ADAMTS17: variants seen among roughly 807,000 people sequenced by gnomAD.
ADAMTS17 encodes ADAM metallopeptidase with thrombospondin type 1 motif 17.
A neutral mutation model predicts 141.5 loss-of-function variants in ADAMTS17; 113 were observed. The observed-to-expected ratio is 0.80, with a 90% CI of 0.69 to 0.93. The LOEUF is 0.93. ADAMTS17 is among the 40% of genes least tolerant of loss of function. The pLI is 0.00. For missense variants in ADAMTS17, 1,659 were observed against 1,517.9 expected (o/e 1.09, Z -1.54); for synonymous variants, 768 against 630.6 (o/e 1.22, Z -3.27).
intron 7 of ADAMTS17, among the ~76,000 whole-genome samples, chr15:100,233,157 C>A (rs901407376): frequency 2.6e-5 from 4 of 152,032 alleles, no homozygotes; most frequent in African/African-American, 9.7e-5. Flanking sequence ...GGTGAAATCC[C>A]GTCTCTACTA....
rs1232822070 is a variant in ADAMTS17 at position 100,133,352 on chromosome 15, C to T, written c.1474-37G>A. ...GGGAAGGAACCATAATTGTGGAGAA[C>T]ACCCACACTCACAGGTCACAGCTGG... On this transcript the variant is annotated intron_variant, in intron 10 of 21. Transcript: ENST00000268070. 2 of 1,540,356 alleles carry T rather than the reference C, an allele frequency of 1.3e-6. 1 individual carries two copies. The highest frequency in any genetic ancestry group is 2.4e-5 in the South Asian group (2 of 84,230).
intron 7 of ADAMTS17, among the ~76,000 whole-genome samples, chr15:100,247,985 G>C (rs1172127465): frequency 6.6e-6 from 1 of 152,152 alleles, no homozygotes; most frequent in East Asian, 1.9e-4. Context: ...ATCAGAGACT[G>C]TGGTATCAGT....
intron 2 of ADAMTS17, among the ~76,000 whole-genome samples, chr15:100,336,337 T>C (rs2046207594): frequency 6.6e-6 from 1 of 152,192 alleles, no homozygotes; most frequent in South Asian, 2.1e-4. Context: ...GAAGCCACCA[T>C]GAGGCCACAG....
intron 18 of ADAMTS17, among the ~76,000 whole-genome samples, chr15:100,023,905 C>A (rs2061451075): frequency 6.6e-6 from 1 of 152,146 alleles, no homozygotes; most frequent in African/African-American, 2.4e-5. Context: ...TTAATTCATG[C>A]ACATTGTAGA....
At chr15:100,315,109 T>C (rs1596503879) in intron 3 of ADAMTS17, among the ~76,000 whole-genome samples, 4 of 152,232 alleles carry the variant, frequency 2.6e-5, no homozygotes, top group Admixed American at 2.6e-4. Flanking sequence ...ACCCACCTGA[T>C]CTCAGAGGTA....
intron 7 of ADAMTS17, among the ~76,000 whole-genome samples, chr15:100,238,797 G>C (rs768028593): frequency 6.6e-6 from 1 of 152,100 alleles, no homozygotes. Context: ...ATCGAAAAGC[G>C]AGAAAGGCAG....
At chr15:100,051,026 C>T (rs982455819) in intron 17 of ADAMTS17, among the ~76,000 whole-genome samples, 1 of 152,218 alleles carries the variant, frequency 6.6e-6, no homozygotes, top group African/African-American at 2.4e-5. Context: ...GACAACCATC[C>T]TATTTCAGAA....
intron 7 of ADAMTS17, among the ~76,000 whole-genome samples, chr15:100,229,937 AG>A (rs979441726): frequency 2.6e-5 from 4 of 152,176 alleles, no homozygotes; most frequent in African/African-American, 9.7e-5. Context: ...TGATCAGTGC[AG>A]GGAAAGCCTG....
At chr15:100,341,679 T>C in intron 1 of ADAMTS17, 142 bp downstream of exon 1, 3 of 1,120,216 alleles carry the variant, frequency 2.7e-6, no homozygotes, top group Non-Finnish European at 3.5e-6. Context: ...ATTCCCGTAC[T>C]CCGGCCGCGG....
intron 3 of ADAMTS17, among the ~76,000 whole-genome samples, chr15:100,329,081 G>C (rs952597): frequency 0.12 from 18,035 of 152,078 alleles, 1,193 homozygotes; most frequent in African/African-American, 0.16. Context: ...AATTAAAGTG[G>C]TTCTCTGTGG....
At chr15:100,060,323 G>C (rs1390499815) in intron 15 of ADAMTS17, among the ~76,000 whole-genome samples, 1 of 152,212 alleles carries the variant, frequency 6.6e-6, no homozygotes, top group Non-Finnish European at 1.5e-5. Context: ...TTGCCACCAG[G>C]GCAGAACAAA....
chr15:100,116,975 A>G lies in ADAMTS17; in HGVS notation c.1760T>C (p.Val587Ala). 1.2e-6 allele frequency: 2 copies of G among 1,613,690 alleles called. No individual in the cohort carries two copies. Among genetic ancestry groups the G allele is most frequent in the Middle Eastern group, 3.3e-4 (2 of 6,002 alleles). ...PGGTHCPGASVEHAVCENLPC... is the reference protein window; with the variant it reads ...PGGTHCPGASAEHAVCENLPC... ...CAGGTTCTCGCAGACCGCATGTTCT[A>G]CACTGGCACCCGGGCAGTGTGTGCC... The change falls in exon 13 of 22, where the codon GTA becomes GCA. Residue 587 changes from valine to alanine, a missense_variant. Coordinates refer to ENST00000268070, the MANE Select transcript of ADAMTS17 (RefSeq NM_139057.4).
At chr15:100,031,819 A>G (rs2622529) in intron 18 of ADAMTS17, among the ~76,000 whole-genome samples, 21,850 of 152,198 alleles carry the variant, frequency 0.14, 4,423 homozygotes, top group African/African-American at 0.45. Context: ...ACACCCAGTG[A>G]TTTCCATATT....
intron 7 of ADAMTS17, among the ~76,000 whole-genome samples, chr15:100,202,796 T>C (rs1406215225): frequency 1.3e-5 from 2 of 152,324 alleles, no homozygotes; most frequent in African/African-American, 4.8e-5. Context: ...GTTTTCTCTG[T>C]ATTGATTTAT....
intron 7 of ADAMTS17, among the ~76,000 whole-genome samples, chr15:100,215,543 C>T (rs1010419849): frequency 2.0e-5 from 3 of 152,124 alleles, no homozygotes; most frequent in Admixed American, 6.5e-5. Flanking sequence ...TTGACAGCCC[C>T]TAAGATACCT....
intron 3 of ADAMTS17, among the ~76,000 whole-genome samples, chr15:100,322,742 T>A (rs1455435805): frequency 6.6e-6 from 1 of 152,162 alleles, no homozygotes; most frequent in East Asian, 1.9e-4. Flanking sequence ...ATACTGACAC[T>A]ACTTAAAAAA....
In ADAMTS17 at chr15:100,330,944, G is replaced by T; in HGVS notation, c.561C>A (p.Thr187=). ...EHLIRRKWSL[T]PSPSAEAQRP... is the part of the protein sequence containing the mutation. ...TCTGGGCCTCAGCAGAAGGGCTGGG[G>T]GTCAAGGACCATTTGCGCCTGATCA... is the stretch of plus-strand genomic sequence containing the variant. The change falls in exon 3 of 22, where the codon ACC becomes ACA. Residue 187 remains threonine (T), a synonymous_variant. Transcript: ENST00000268070. 6.2e-7 allele frequency: 1 copy of T among 1,614,160 alleles called. No individual in the cohort carries two copies. The highest frequency in any genetic ancestry group is 8.5e-7 in the Non-Finnish European group (1 of 1,180,040).
At chr15:100,314,387 T>A (rs576386826) in intron 3 of ADAMTS17, among the ~76,000 whole-genome samples, 2 of 152,150 alleles carry the variant, frequency 1.3e-5, no homozygotes, top group African/African-American at 4.8e-5. Flanking sequence ...CTAAGAAAAT[T>A]TGTATGTATA....
At chr15:100,337,977 C>T (rs2046256400) in intron 2 of ADAMTS17, among the ~76,000 whole-genome samples, 1 of 152,244 alleles carries the variant, frequency 6.6e-6, no homozygotes, top group African/African-American at 2.4e-5. Context: ...AAAGGCCTTC[C>T]TCAGACACCT....
Sources: gnomAD v4.1 joint callset for allele counts (sites outside exome capture counted in the v4.1 genomes callset) on GRCh38, gnomAD v4.1.1 for gene constraint, MANE v1.5 for transcripts, NCBI Gene and HGNC (gene_info 2026-07-23, HGNC 2026-07-21) for gene names.